Variants in FAM81B observed in about 807,000 individuals in gnomAD.
FAM81B encodes protein FAM81B.
A neutral mutation model predicts 58.7 loss-of-function variants in FAM81B; 60 were observed. That is an observed-to-expected ratio of 1.02 (90% CI 0.83 to 1.27). FAM81B has a LOEUF of 1.27. FAM81B is among the 50% of genes most tolerant of loss of function. The pLI, the probability that FAM81B is intolerant of heterozygous loss-of-function variation, is 0.00. For synonymous variants in FAM81B, 189 were observed against 179.6 expected (o/e 1.05, Z -0.42); for missense variants, 491 against 522.0 (o/e 0.94, Z 0.58).
At chr5:95,440,461 G>A in intron 7 of FAM81B, 4 of 637,020 alleles carry the variant, frequency 6.3e-6, no homozygotes, top group Non-Finnish European at 1.2e-5. Flanking sequence ...CTGACAGGAT[G>A]CAGTTGCTAA....
intron 5 of FAM81B, among the ~76,000 whole-genome samples, chr5:95,426,070 T>C (rs1762815492): frequency 7.0e-6 from 1 of 142,862 alleles, no homozygotes; most frequent in Non-Finnish European, 1.5e-5. Flanking sequence ...TATTCTAAAT[T>C]ATGTTTTCTT....
At chr5:95,446,135 A>G (rs557008048) in intron 7 of FAM81B, among the ~76,000 whole-genome samples, 22 of 152,350 alleles carry the variant, frequency 1.4e-4, no homozygotes, top group African/African-American at 5.3e-4. Flanking sequence ...CAATGCCTAA[A>G]ATATTTACTA....
chr5:95,435,239 T>C (rs1214262052), intron 6 of FAM81B, among the ~76,000 whole-genome samples: 1 of 152,236 alleles, frequency 6.6e-6, no homozygotes, highest in Non-Finnish European at 1.5e-5. Flanking sequence ...CACATTTTCA[T>C]GTGAAACACT....
At chr5:95,448,180 A>G in intron 8 of FAM81B, 89 bp from the exon 9 acceptor site, 2 of 1,263,626 alleles carry the variant, frequency 1.6e-6, no homozygotes, top group African/African-American at 1.5e-5. Flanking sequence ...TGCTTAACAT[A>G]GAAAAATGAA....
intron 4 of FAM81B, among the ~76,000 whole-genome samples, chr5:95,419,264 A>G (rs1334108008): frequency 6.6e-6 from 1 of 152,160 alleles, no homozygotes; most frequent in Non-Finnish European, 1.5e-5. Flanking sequence ...AATTCTTGTA[A>G]TTTATTTGCT....
chr5:95,400,511 C>T (rs1379810229), intron 3 of FAM81B, among the ~76,000 whole-genome samples: 2 of 152,134 alleles, frequency 1.3e-5, no homozygotes, highest in Non-Finnish European at 2.9e-5. Flanking sequence ...GCCCACTCTA[C>T]TCCAGTAGGA....
intron 6 of FAM81B, among the ~76,000 whole-genome samples, chr5:95,433,688 T>G (rs560374238): frequency 6.6e-6 from 1 of 152,302 alleles, no homozygotes; most frequent in East Asian, 1.9e-4. Flanking sequence ...AAAAAGTGTA[T>G]TCTGTATTTT....
chr5:95,424,035 A>G, intron 5 of FAM81B: 1 of 1,289,522 alleles, frequency 7.8e-7, no homozygotes, highest in Non-Finnish European at 1.0e-6. Context: ...GTTCTTTATC[A>G]TTTCTATCAT....
At chr5:95,426,354 T>C (rs891907897) in intron 5 of FAM81B, among the ~76,000 whole-genome samples, 1 of 152,040 alleles carries the variant, frequency 6.6e-6, no homozygotes, top group Non-Finnish European at 1.5e-5. Flanking sequence ...GAGTGCAGCT[T>C]TGAAAAGCCA....
chr5:95,396,273 G>A, intron 3 of FAM81B, 98 bp downstream of exon 3: 1 of 906,892 alleles, frequency 1.1e-6, no homozygotes, highest in Non-Finnish European at 1.7e-6. Context: ...TAATTATTCA[G>A]TCAGAGATGA....
At chr5:95,449,045 G>A (rs1235754501) in intron 9 of FAM81B, among the ~76,000 whole-genome samples, 2 of 152,200 alleles carry the variant, frequency 1.3e-5, no homozygotes, top group African/African-American at 2.4e-5. Flanking sequence ...ACATGGAATA[G>A]GTGCTGTGGT....
At chr5:95,408,418 G>T (rs569179126) in intron 3 of FAM81B, among the ~76,000 whole-genome samples, 1 of 152,210 alleles carries the variant, frequency 6.6e-6, no homozygotes, top group South Asian at 2.1e-4. Context: ...TCATCTGTTA[G>T]TAGGCAGCCC....
chr5:95,424,516 T>C (rs1247162188), intron 5 of FAM81B, among the ~76,000 whole-genome samples: 1 of 151,488 alleles, frequency 6.6e-6, no homozygotes, highest in African/African-American at 2.4e-5. Context: ...AAAGCCCCAT[T>C]GAATCTACAG....
At chr5:95,400,551 C>G (rs1043754881) in intron 3 of FAM81B, among the ~76,000 whole-genome samples, 1 of 152,126 alleles carries the variant, frequency 6.6e-6, no homozygotes, top group East Asian at 1.9e-4. Flanking sequence ...ATCTGCAAGA[C>G]CCAATTTCCA....
At chr5:95,440,179 T>C in intron 7 of FAM81B, 1 of 612,004 alleles carries the variant, frequency 1.6e-6, no homozygotes, top group Non-Finnish European at 3.2e-6. Context: ...ACAAGTCCTT[T>C]CAAGATTCAA....
At chr5:95,411,804 A>G (rs1013108340) in intron 3 of FAM81B, among the ~76,000 whole-genome samples, 14 of 152,240 alleles carry the variant, frequency 9.2e-5, no homozygotes, top group Admixed American at 7.9e-4. Flanking sequence ...TACATACACA[A>G]TGCTTACACA....
chr5:95,442,243 C>T (rs191033507), intron 7 of FAM81B, among the ~76,000 whole-genome samples: 28 of 152,236 alleles, frequency 1.8e-4, no homozygotes, highest in African/African-American at 5.1e-4. Flanking sequence ...TTGCTACTTA[C>T]AGTTGAGAAG....
intron 6 of FAM81B, among the ~76,000 whole-genome samples, chr5:95,434,196 G>A (rs1184521462): frequency 2.6e-5 from 4 of 152,180 alleles, no homozygotes; most frequent in Non-Finnish European, 4.4e-5. Context: ...AGAAATCGAG[G>A]TGTCTGCAGA....
chr5:95,447,263 G>A (rs2152771149), intron 8 of FAM81B, among the ~76,000 whole-genome samples: 1 of 152,324 alleles, frequency 6.6e-6, no homozygotes, highest in East Asian at 1.9e-4. Flanking sequence ...CGCCATCACT[G>A]TGGTCAATGG....
Sources: gnomAD v4.1 joint callset for allele counts (sites outside exome capture counted in the v4.1 genomes callset) on GRCh38, gnomAD v4.1.1 for gene constraint, MANE v1.5 for transcripts, NCBI Gene and HGNC (gene_info 2026-07-23, HGNC 2026-07-21) for gene names.